CATSPERE: variants seen among roughly 807,000 people sequenced by gnomAD.
The protein encoded by CATSPERE is catsper channel auxiliary subunit epsilon, also known as cation channel sperm-associated auxiliary subunit epsilon.
A neutral mutation model predicts 114.1 loss-of-function variants in CATSPERE; 93 were observed. The ratio of observed to expected loss-of-function variants is 0.81; its 90% confidence interval spans 0.69 to 0.97. The LOEUF is 0.97. Among genes scored for constraint, CATSPERE ranks in the 50% least tolerant of loss-of-function variants. The pLI is 0.00. For synonymous variants in CATSPERE, 341 were observed against 384.1 expected (o/e 0.89, Z 1.31); for missense variants, 1,058 against 1,131.6 (o/e 0.93, Z 0.93).
chr1:244,613,977 A>G (rs1472801597), intron 19 of CATSPERE, among the ~76,000 whole-genome samples: 1 of 152,076 alleles, frequency 6.6e-6, no homozygotes, highest in Non-Finnish European at 1.5e-5. Context: ...ATAGGAAGAG[A>G]GACCTGAGCT....
chr1:244,488,318 T>C (rs1230472429), intron 5 of CATSPERE, among the ~76,000 whole-genome samples: 1 of 152,238 alleles, frequency 6.6e-6, no homozygotes, highest in Non-Finnish European at 1.5e-5. Flanking sequence ...TTGAAACTCT[T>C]TCATTCCTTC....
At chr1:244,620,429 G>A (rs141106466) in intron 20 of CATSPERE, among the ~76,000 whole-genome samples, 1,539 of 152,280 alleles carry the variant, frequency 0.01, 7 homozygotes, top group Middle Eastern at 0.037. Context: ...CAGAATAGAA[G>A]CACATTGAGT....
rs373061134 is a variant in CATSPERE, at chr1:244,560,661, G to T, written c.1030-7G>T. ...GATCTTTCTCATCATTTTTCATTTT[G>T]TCACAGGCTAAAGGAAGAAGAAGCA... On this transcript the variant is annotated splice_region_variant and splice_polypyrimidine_tract_variant and intron_variant, in intron 9 of 21. Coordinates refer to ENST00000366534, the MANE Select transcript of CATSPERE (RefSeq NM_001130957.2). 9 of 1,453,404 alleles carry T rather than the reference G, an allele frequency of 6.2e-6. No homozygotes were observed. Among genetic ancestry groups the T allele is most frequent in the Non-Finnish European group, 8.2e-6 (9 of 1,096,060 alleles). The allele number at this position is 1,453,404 out of a possible 1,614,324, so 90.0% of individuals were successfully genotyped here. A position where few individuals can be genotyped will look rare whatever the true frequency, so the allele number is the denominator to read the frequency against.
chr1:244,640,399 CTA>C lies in CATSPERE; in HGVS notation c.*320_*321del, dbSNP rs879064386. On this transcript the variant is annotated 3_prime_UTR_variant, in exon 22 of 22. Coordinates refer to ENST00000366534, the MANE Select transcript of CATSPERE (RefSeq NM_001130957.2). The stretch of plus-strand genomic sequence containing the variant: ...TGAAAGTGAATTTTTGAAAATATAT[CTA>C]TGTGTCAAGTATCATTTTGCATGAA... 26 of 177,974 alleles carry C rather than the reference CTA, an allele frequency of 1.5e-4. No individual in the cohort carries two copies. The highest frequency in any genetic ancestry group is 3.5e-5 in the Non-Finnish European group (3 of 85,290). The allele number at this position is 177,974 out of a possible 1,614,324, so 11.0% of individuals were successfully genotyped here.
intron 5 of CATSPERE, among the ~76,000 whole-genome samples, chr1:244,489,497 G>T: frequency 3.1e-5 from 4 of 128,430 alleles, no homozygotes; most frequent in African/African-American, 9.2e-5. Flanking sequence ...AAAGAAAGAG[G>T]TTTATTGAAG....
intron 18 of CATSPERE, among the ~76,000 whole-genome samples, chr1:244,609,503 A>G (rs1023964513): frequency 5.3e-5 from 8 of 151,990 alleles, no homozygotes; most frequent in Non-Finnish European, 8.8e-5. Flanking sequence ...GGTGCACGCC[A>G]CCACACCCAG....
At chr1:244,608,130 T>C (rs1383116828) in intron 18 of CATSPERE, among the ~76,000 whole-genome samples, 1 of 152,124 alleles carries the variant, frequency 6.6e-6, no homozygotes, top group African/African-American at 2.4e-5. Context: ...AATAATTTTT[T>C]TAAAAAGAAT....
In CATSPERE at chr1:244,591,689, A is replaced by C; in HGVS notation, c.2147A>C (p.Lys716Thr). The change falls in exon 15 of 22, where the codon AAA becomes ACA. Residue 716 changes from lysine to threonine, a missense_variant. Lys to Thr is a moderately conservative substitution (Grantham distance 78). Around this residue, in one of 2 missense-constraint regions of CATSPERE, gnomAD observed 787 missense variants for 905.6 expected, o/e 0.87. Transcript: ENST00000366534. The stretch of plus-strand genomic sequence containing the variant: ...TGTTTTGTCTTTTGTAGATTTAGTA[A>C]AAAAGGATGTCATCACCATGATTTT... ...KKFIAIKGFS[K>T]KGCHHHDFSY... 1 of 1,505,418 alleles carries C rather than the reference A, an allele frequency of 6.6e-7. No individual in the cohort carries two copies. Among genetic ancestry groups the C allele is most frequent in the South Asian group, 1.2e-5 (1 of 84,118 alleles). The allele number at this position is 1,505,418 out of a possible 1,614,324, so 93.3% of individuals were successfully genotyped here.
At chr1:244,577,262 C>T (rs1456520071) in intron 11 of CATSPERE, among the ~76,000 whole-genome samples, 2 of 151,316 alleles carry the variant, frequency 1.3e-5, no homozygotes. Flanking sequence ...TCATTTGATA[C>T]TTATTTTATC....
intron 20 of CATSPERE, among the ~76,000 whole-genome samples, chr1:244,627,439 G>A (rs1007533249): frequency 6.6e-5 from 10 of 152,056 alleles, no homozygotes; most frequent in Non-Finnish European, 1.2e-4. Flanking sequence ...ATCCAGGCAC[G>A]GTGGCATGTG....
At chr1:244,605,070 G>A (rs1011584615) in intron 17 of CATSPERE, among the ~76,000 whole-genome samples, 3 of 152,118 alleles carry the variant, frequency 2.0e-5, no homozygotes, top group Non-Finnish European at 4.4e-5. Flanking sequence ...GCCTCACCTC[G>A]ACTTACTGAC....
chr1:244,486,094 C>G (rs2148192923), intron 5 of CATSPERE, among the ~76,000 whole-genome samples: 1 of 152,234 alleles, frequency 6.6e-6, no homozygotes, highest in East Asian at 1.9e-4. Context: ...ATTTGTGAGG[C>G]CTGGTGTAAA....
chr1:244,604,277 G>A (rs12124344), intron 17 of CATSPERE, among the ~76,000 whole-genome samples: 244 of 152,312 alleles, frequency 1.6e-3, no homozygotes, highest in Middle Eastern at 3.4e-3. Context: ...GCCTGTTTGA[G>A]AACTAACCTT....
At chr1:244,560,555 T>C (rs1370076911) in intron 9 of CATSPERE, 113 bp from the exon 10 acceptor site, 1 of 587,862 alleles carries the variant, frequency 1.7e-6, no homozygotes, top group Non-Finnish European at 2.6e-6. Flanking sequence ...CAAAAACCTA[T>C]TGAAAGAAAA....
rs187451411 is a variant in CATSPERE at position 244,608,472 on chromosome 1, G to A, written c.2404-1768G>A. 2.9e-4 allele frequency among the ~76,000 whole-genome samples: 44 copies of A among 151,700 alleles called. No homozygotes were observed. The East Asian group carries it at 7.6e-3, about 26-fold the overall frequency. The stretch of plus-strand genomic sequence containing the variant: ...GATTGCTTGAGCCCAGGAGGTCAAG[G>A]CTGCAGTGAGCTGTGATCATGCCAC... On this transcript the variant is annotated intron_variant, in intron 18 of 21. Transcript: ENST00000366534.
In CATSPERE at chr1:244,490,562, T is replaced by C; in HGVS notation, c.351+91T>C. On this transcript the variant is annotated intron_variant, in intron 6 of 21. Coordinates refer to ENST00000366534, the MANE Select transcript of CATSPERE (RefSeq NM_001130957.2). ...TCCATATTTACCAGATGAGGAATTT[T>C]TCAAATGAATTTTGCAATGATATTT... is the stretch of plus-strand genomic sequence containing the variant. The C allele has an allele frequency of 4.8e-6, 4 of 834,088 alleles. No individual in the cohort carries two copies. The South Asian group carries it at 6.4e-5, about 13-fold the overall frequency. 51.7% of individuals were successfully genotyped at this position (834,088 alleles called of 1,614,324 possible).
At chr1:244,477,794 A>C in intron 3 of CATSPERE, 112 bp from the exon 4 acceptor site, 1 of 998,734 alleles carries the variant, frequency 1.0e-6, no homozygotes, top group South Asian at 1.6e-5. Context: ...AATATTTAAA[A>C]ATATCTCTTA....
At chr1:244,502,675 G>A (rs1276340051) in intron 7 of CATSPERE, among the ~76,000 whole-genome samples, 1 of 152,132 alleles carries the variant, frequency 6.6e-6, no homozygotes, top group Admixed American at 6.5e-5. Context: ...CCAGAAGTGT[G>A]CTTGTAGTTC....
At chr1:244,636,061 A>G (rs973768964) in intron 21 of CATSPERE, among the ~76,000 whole-genome samples, 4 of 152,208 alleles carry the variant, frequency 2.6e-5, no homozygotes, top group African/African-American at 9.6e-5. Context: ...ATGCAGTGGT[A>G]GGGATTGGGA....
Sources: allele counts gnomAD v4.1 joint callset (sites outside exome capture counted in the v4.1 genomes callset), GRCh38; gene constraint gnomAD v4.1.1; regional missense constraint gnomAD v4.1.1; transcripts MANE v1.5; gene names NCBI Gene and HGNC (gene_info 2026-07-23, HGNC 2026-07-21).